The following SAFB2 variants were observed in gnomAD, a reference collection of about 807,000 sequenced individuals.
SAFB2 encodes the protein scaffold attachment factor B2.
Under a neutral mutation model 100.6 loss-of-function variants are expected in SAFB2, and 32 were observed. That is an observed-to-expected ratio of 0.32 (90% CI 0.24 to 0.43). The LOEUF is 0.43. Ranked by LOEUF, SAFB2 falls within the 20% of genes least tolerant of loss-of-function variation. SAFB2 has a pLI of 1.00. For synonymous variants in SAFB2, 500 were observed against 439.4 expected, an observed-to-expected ratio of 1.14 and a Z score of -1.72; for missense variants, 1,185 against 1,163.4, an observed-to-expected ratio of 1.02 and a Z score of -0.27.
chr19:5,587,503 T>C lies in SAFB2; in HGVS notation c.2706-104A>G. ...CGCAGCCTTTAGAGCGCTTGGGTTT[T>C]TTTTCCAGGTGAGAAAAATCATCAT... On this transcript the variant is annotated intron_variant, in intron 20 of 20. Transcript: ENST00000252542. The surrounding 1 kb of genome is among the most constrained non-coding windows in gnomAD (Gnocchi z 4.9). 6.7e-7 allele frequency: 1 copy of C among 1,483,226 alleles called. No individual in the cohort carries two copies. The highest frequency in any genetic ancestry group is 9.0e-7 in the Non-Finnish European group (1 of 1,110,982). The allele number at this position is 1,483,226 out of a possible 1,614,324, so 91.9% of individuals were successfully genotyped here. A position where few individuals can be genotyped will look rare whatever the true frequency, so the allele number is the denominator to read the frequency against.
chr19:5,599,404 C>G (rs540177036), intron 12 of SAFB2, among the ~76,000 whole-genome samples: 1 of 152,312 alleles, frequency 6.6e-6, no homozygotes, highest in South Asian at 2.1e-4. Flanking sequence ...ACCACTGGAA[C>G]AATGACTTAT....
intron 13 of SAFB2, among the ~76,000 whole-genome samples, chr19:5,597,213 C>T (rs1033083871): frequency 6.6e-6 from 1 of 152,100 alleles, no homozygotes; most frequent in African/African-American, 2.4e-5. Flanking sequence ...GTGCAACACA[C>T]CCAGGAGATT....
chr19:5,614,203 T>G (rs2052973932), intron 4 of SAFB2, among the ~76,000 whole-genome samples: 1 of 152,162 alleles, frequency 6.6e-6, no homozygotes, highest in Non-Finnish European at 1.5e-5. Context: ...TCCGCCCACC[T>G]CAGCCTCCCG....
intron 2 of SAFB2, among the ~76,000 whole-genome samples, chr19:5,617,778 T>A (rs1326200217): frequency 6.6e-6 from 1 of 152,164 alleles, no homozygotes; most frequent in Non-Finnish European, 1.5e-5. Flanking sequence ...AGAAACCCTG[T>A]GGGACACCAT....
intron 18 of SAFB2, among the ~76,000 whole-genome samples, chr19:5,588,315 A>C (rs2052309747): frequency 6.6e-6 from 1 of 152,158 alleles, no homozygotes; most frequent in Non-Finnish European, 1.5e-5. Context: ...TGGAAATGTA[A>C]AATGGTGTGG....
Position 5,595,232 on chromosome 19 carries a change from A to ATAAC in SAFB2, c.1919+128_1919+129insGTTA. 8 of 1,277,766 alleles carry ATAAC rather than the reference A, an allele frequency of 6.3e-6. No homozygotes were observed. The South Asian group carries it at 9.9e-5, about 16-fold the overall frequency. The allele number at this position is 1,277,766 out of a possible 1,614,324, so 79.2% of individuals were successfully genotyped here. A position where few individuals can be genotyped will look rare whatever the true frequency, so the allele number is the denominator to read the frequency against. On this transcript the variant is annotated intron_variant, in intron 14 of 20. Coordinates refer to ENST00000252542, the MANE Select transcript of SAFB2 (RefSeq NM_014649.3). ...GCCCCTGCCTCGAGGACCCAGGTTA[A>ATAAC]GCACGACACCCGCCAGCCCAGGCAC...
intron 1 of SAFB2, 120 bp downstream of exon 1, chr19:5,622,410 G>T: frequency 9.5e-7 from 1 of 1,047,200 alleles, no homozygotes; most frequent in Non-Finnish European, 1.3e-6. Context: ...ACCTCGAACC[G>T]GGGTCGGCCA....
Position 5,587,002 on chromosome 19 carries a change from G to A in SAFB2, c.*241C>T, listed in dbSNP as rs922973212. 10 of 592,556 alleles carry A rather than the reference G, an allele frequency of 1.7e-5. No individual in the cohort carries two copies. The highest frequency in any genetic ancestry group is 4.8e-5 in the South Asian group (2 of 41,722). The allele number at this position is 592,556 out of a possible 1,614,324, so 36.7% of individuals were successfully genotyped here. Reference sequence around the variant, plus strand: ...CATGTGCACGCGCACGCAAGACTGCGAATGGTAAACTTTATTAATGGAAAA... The same window carrying A: ...CATGTGCACGCGCACGCAAGACTGCAAATGGTAAACTTTATTAATGGAAAA... On this transcript the variant is annotated 3_prime_UTR_variant, in exon 21 of 21. Coordinates refer to ENST00000252542, the MANE Select transcript of SAFB2 (RefSeq NM_014649.3). This position sits in a 1 kb window ranked among gnomAD's most constrained non-coding sequence, Gnocchi z 4.9.
At chr19:5,611,736 TGCTA>T in intron 6 of SAFB2, 106 bp from the exon 7 acceptor site, 1 of 450,336 alleles carries the variant, frequency 2.2e-6, no homozygotes, top group Non-Finnish European at 4.3e-6. Context: ...CGAAGAGAAC[TGCTA>T]GCTACACAGA....
chr19:5,587,821 A>G lies in SAFB2; in HGVS notation c.2638+47T>C. On this transcript the variant is annotated intron_variant, in intron 19 of 20. Coordinates refer to ENST00000252542, the MANE Select transcript of SAFB2 (RefSeq NM_014649.3). The surrounding 1 kb of genome is among the most constrained non-coding windows in gnomAD (Gnocchi z 4.9). ...TCCGTTCCTGGGGAAGCCCCTGGAC[A>G]CATGTGGGGGCCACAGCCACCCTCG... 3.2e-6 allele frequency: 5 copies of G among 1,572,584 alleles called. No individual in the cohort carries two copies. Among genetic ancestry groups the G allele is most frequent in the Non-Finnish European group, 4.3e-6 (5 of 1,157,498 alleles).
In SAFB2 at chr19:5,587,551, T is replaced by C; in HGVS notation, c.2705+150A>G. 3.4e-6 allele frequency: 5 copies of C among 1,460,112 alleles called. No homozygotes were observed. The highest frequency in any genetic ancestry group is 4.5e-6 in the Non-Finnish European group (5 of 1,099,528). 90.4% of individuals were successfully genotyped at this position (1,460,112 alleles called of 1,614,324 possible). On this transcript the variant is annotated intron_variant, in intron 20 of 20. Transcript: ENST00000252542. This position sits in a 1 kb window ranked among gnomAD's most constrained non-coding sequence, Gnocchi z 4.9. The stretch of plus-strand genomic sequence containing the variant: ...CATCGCACATTGTATTCCAGGTAAC[T>C]CAAGAGCGTTATTTGCATAAATTGC...
intron 11 of SAFB2, among the ~76,000 whole-genome samples, chr19:5,602,885 C>T (rs1426283755): frequency 6.6e-6 from 1 of 151,930 alleles, no homozygotes; most frequent in African/African-American, 2.4e-5. Flanking sequence ...TTTGAAGTTG[C>T]TGATTAAATT....
chr19:5,609,974 A>ATGAG (rs1197102971), intron 9 of SAFB2, 21 bp downstream of exon 9: 14 of 1,599,410 alleles, frequency 8.8e-6, no homozygotes. Context: ...AGTGGATGGT[A>ATGAG]TGAGGCAAGG....
At chr19:5,620,288 T>C (rs768165132) in intron 2 of SAFB2, among the ~76,000 whole-genome samples, 2 of 152,238 alleles carry the variant, frequency 1.3e-5, no homozygotes, top group African/African-American at 2.4e-5. Flanking sequence ...AATGAAATTG[T>C]TAAAAATGCT....
rs771753272 is a variant in SAFB2 at position 5,616,448 on chromosome 19, G to A, written c.313C>T (p.Leu105=). 6.2e-7 allele frequency: 1 copy of A among 1,613,836 alleles called. No homozygotes were observed. Among genetic ancestry groups the A allele is most frequent in the Non-Finnish European group, 8.5e-7 (1 of 1,179,970 alleles). ...MEEEGTEDNG[L]EDDSRDGQED... is the part of the protein sequence containing the mutation. The stretch of plus-strand genomic sequence containing the variant: ...TGCCCGTCTCTGGAATCGTCTTCCA[G>A]GCCATTATCTTCTGTGCCTTCCTCC... The change falls in exon 3 of 21, where the codon CTG becomes TTG. Residue 105 remains leucine, a synonymous_variant. Coordinates refer to ENST00000252542, the MANE Select transcript of SAFB2 (RefSeq NM_014649.3).
chr19:5,604,457 C>T, intron 11 of SAFB2, 126 bp downstream of exon 11: 2 of 647,802 alleles, frequency 3.1e-6, no homozygotes, highest in South Asian at 3.8e-5. Flanking sequence ...AGCTGAGACT[C>T]CAGCAGGAAG....
At chr19:5,598,750 C>A (rs373676835) in intron 13 of SAFB2, 43 bp downstream of exon 13, 1 of 1,561,802 alleles carries the variant, frequency 6.4e-7, no homozygotes, top group Admixed American at 1.7e-5. Context: ...GTGGAGCCAT[C>A]GTGAGAAACA....
At chr19:5,591,546 G>A (rs2145316065) in intron 17 of SAFB2, 2 of 541,546 alleles carry the variant, frequency 3.7e-6, no homozygotes, top group Non-Finnish European at 6.6e-6. Context: ...CCAAAGTGCT[G>A]GGATTACAGG....
In SAFB2 at chr19:5,604,844, C is replaced by T. The variant is rs1276101828; in HGVS notation, c.1389G>A (p.Lys463=). 14 of 1,614,058 alleles carry T rather than the reference C, an allele frequency of 8.7e-6. No individual in the cohort carries two copies. The highest frequency in any genetic ancestry group is 2.2e-5 in the South Asian group (2 of 91,080). ...VTMSTSDEAT[K]CISHLHRTEL... is the part of the protein sequence containing the mutation. Reference sequence around the variant, plus strand: ...CAGTTCTGTGGAGATGGCTGATGCACTTGGTCGCCTCGTCAGATGTCGACA... The same window carrying T: ...CAGTTCTGTGGAGATGGCTGATGCATTTGGTCGCCTCGTCAGATGTCGACA... Residue 463 remains lysine (K), a synonymous_variant, in exon 10 of 21, where the codon AAG becomes AAA. Coordinates refer to ENST00000252542, the MANE Select transcript of SAFB2 (RefSeq NM_014649.3).
Sources: gnomAD v4.1 joint callset for allele counts (sites outside exome capture counted in the v4.1 genomes callset) on GRCh38, gnomAD v4.1.1 for gene constraint, Gnocchi (gnomAD v3.1) non-coding constraint, MANE v1.5 for transcripts, NCBI Gene and HGNC (gene_info 2026-07-23, HGNC 2026-07-21) for gene names.